The following ERG variants were observed in gnomAD, a reference collection of about 807,000 sequenced individuals.
ERG encodes the protein transcriptional regulator ERG.
In ERG, 9 loss-of-function variants were observed where a neutral mutation model predicts 55.3. That is an observed-to-expected ratio of 0.16 (90% CI 0.10 to 0.28). The LOEUF (loss-of-function observed/expected upper bound fraction) is 0.28, where lower values mean the gene tolerates loss of function less well. ERG is among the 10% of genes least tolerant of loss of function. ERG has a pLI of 1.00. For synonymous variants in ERG, 223 were observed against 237.3 expected, an observed-to-expected ratio of 0.94 and a Z score of 0.55; for missense variants, 434 against 631.6, an observed-to-expected ratio of 0.69 and a Z score of 3.35.
chr21:38,371,770 G>C, the ERG span, among the ~76,000 whole-genome samples: 1 of 151,802 alleles, frequency 6.6e-6, no homozygotes, highest in African/African-American at 2.4e-5. Context: ...ATGAATATTT[G>C]GTTAAAATTT....
intron 1 of ERG, among the ~76,000 whole-genome samples, chr21:38,457,984 T>G (rs2059005888): frequency 6.6e-6 from 1 of 152,236 alleles, no homozygotes; most frequent in African/African-American, 2.4e-5. Context: ...CACAGACTCA[T>G]TTTAGATTGA....
the ERG span, among the ~76,000 whole-genome samples, chr21:38,368,663 A>G: frequency 6.6e-6 from 1 of 152,110 alleles, no homozygotes; most frequent in South Asian, 2.1e-4. Flanking sequence ...GGTTTATTAC[A>G]TAGATAAACT....
chr21:38,432,173 C>T (rs921907680), intron 2 of ERG, among the ~76,000 whole-genome samples: 10 of 152,260 alleles, frequency 6.6e-5, no homozygotes, highest in Admixed American at 3.3e-4. Context: ...TAGCTCACTG[C>T]AGTCTCAAAC....
intron 2 of ERG, among the ~76,000 whole-genome samples, chr21:38,526,838 G>A (rs570847049): frequency 6.6e-6 from 1 of 152,014 alleles, no homozygotes; most frequent in Non-Finnish European, 1.5e-5. Context: ...TAGAACATAC[G>A]AAAGTACAAA....
chr21:38,493,253 G>C (rs975848016), intron 1 of ERG, among the ~76,000 whole-genome samples: 2 of 152,102 alleles, frequency 1.3e-5, no homozygotes, highest in African/African-American at 2.4e-5. Context: ...TATACACTAG[G>C]ATATTGGTTA....
intron 2 of ERG, among the ~76,000 whole-genome samples, chr21:38,564,406 T>C (rs543037181): frequency 5.3e-5 from 8 of 152,092 alleles, no homozygotes; most frequent in African/African-American, 1.9e-4. Context: ...AAAAGGAACA[T>C]CATAAAAATT....
In ERG at chr21:38,380,914, G is replaced by C; in HGVS notation, c.*2489C>G. 9.4e-7 allele frequency: 1 copy of C among 1,065,370 alleles called. No individual in the cohort carries two copies. Among genetic ancestry groups the C allele is most frequent in the Non-Finnish European group, 1.1e-6 (1 of 879,310 alleles). The allele number at this position is 1,065,370 out of a possible 1,614,324, so 66.0% of individuals were successfully genotyped here. A position where few individuals can be genotyped will look rare whatever the true frequency, so the allele number is the denominator to read the frequency against. On this transcript the variant is annotated 3_prime_UTR_variant, in exon 10 of 10. Coordinates refer to ENST00000288319, the MANE Select transcript of ERG (RefSeq NM_182918.4). ...TCTATGAAGAATGTAGGTGTGTCTT[G>C]ACTTTGCATTCCAAAATAAAAATGA... is the stretch of plus-strand genomic sequence containing the variant.
intron 2 of ERG, among the ~76,000 whole-genome samples, chr21:38,559,830 G>A (rs777715505): frequency 3.9e-5 from 6 of 152,174 alleles, no homozygotes; most frequent in Admixed American, 1.3e-4. Context: ...ACAGGCATGC[G>A]CCACCACGCC....
At chr21:38,446,007 T>TA (rs1276936633) in intron 1 of ERG, among the ~76,000 whole-genome samples, 4 of 151,274 alleles carry the variant, frequency 2.6e-5, no homozygotes, top group East Asian at 1.9e-4. Context: ...TCATGAGGAT[T>TA]AAAAAAAAGA....
intron 2 of ERG, among the ~76,000 whole-genome samples, chr21:38,432,700 G>A (rs987513714): frequency 6.6e-6 from 1 of 152,222 alleles, no homozygotes; most frequent in Non-Finnish European, 1.5e-5. Context: ...ATACTCGAAA[G>A]CAGGAGCCTT....
At chr21:38,466,742 T>A (rs897362444) in intron 1 of ERG, among the ~76,000 whole-genome samples, 2 of 152,202 alleles carry the variant, frequency 1.3e-5, no homozygotes, top group African/African-American at 4.8e-5. Context: ...TTGATTCAGT[T>A]GGTTGGAACT....
At chr21:38,415,008 T>C (rs1474948766) in intron 3 of ERG, among the ~76,000 whole-genome samples, 1 of 152,314 alleles carries the variant, frequency 6.6e-6, no homozygotes, top group East Asian at 1.9e-4. Context: ...CTCCTTTGTT[T>C]ACTTAAGTCT....
rs147957024 is a variant in ERG at position 38,580,175 on chromosome 21, G to A, written c.-126-4428C>T. Among the ~76,000 whole-genome samples the A allele has an allele frequency of 5.6e-3, 847 of 152,174 alleles. 5 individuals carry two copies. The highest frequency in any genetic ancestry group is 7.7e-3 in the Non-Finnish European group (525 of 67,984). On this transcript the variant is annotated intron_variant, in intron 1 of 8. Coordinates refer to the ERG transcript ENST00000398897. The stretch of plus-strand genomic sequence containing the variant: ...TTCACCGTGTCGGCCAGATGGTCTC[G>A]ATCTCCTGACCTCGTGATCCACCCA...
chr21:38,523,585 CT>C (rs966566152), intron 2 of ERG, among the ~76,000 whole-genome samples: 11 of 152,230 alleles, frequency 7.2e-5, no homozygotes, highest in Admixed American at 6.5e-4. Flanking sequence ...GCTCCCACCC[CT>C]GATGAATGTT....
At chr21:38,635,575 A>G (rs1199510196) in intron 1 of ERG, among the ~76,000 whole-genome samples, 2 of 152,238 alleles carry the variant, frequency 1.3e-5, no homozygotes, top group Admixed American at 1.3e-4. Flanking sequence ...AGAAATAAGC[A>G]TAATAATAAT....
the ERG span, among the ~76,000 whole-genome samples, chr21:38,367,361 C>G: frequency 3.7e-4 from 56 of 152,188 alleles, no homozygotes; most frequent in Non-Finnish European, 7.2e-4. Context: ...ACGTGGGTGG[C>G]TGGTGGCTCA....
rs1041864919 is a variant in ERG, at chr21:38,624,151, A to G, written c.-150+37507T>C. ...CCTACTTTCTAGATCATCCCTGGCCATGCTCCACCACCCATCCCATGATCC... is the reference window on the plus strand; with the variant it reads ...CCTACTTTCTAGATCATCCCTGGCCGTGCTCCACCACCCATCCCATGATCC... On this transcript the variant is annotated intron_variant, in intron 1 of 10. Coordinates refer to the ERG transcript ENST00000398910. Among the ~76,000 whole-genome samples the G allele has an allele frequency of 9.1e-4, 138 of 152,248 alleles. 2 individuals are homozygous for G. The highest frequency in any genetic ancestry group is 5.3e-4 in the Non-Finnish European group (36 of 68,016).
At position 38,381,747 on chromosome 21, in the gene ERG, T is replaced by C. The variant is rs565895562; in HGVS notation, c.*1656A>G. ...TTTCTCAATGACAACCCCAGCTTCA[T>C]AGGCCTCTTTCCATTCCAGGCATAA... On this transcript the variant is annotated 3_prime_UTR_variant, in exon 10 of 10. Transcript: ENST00000288319. The C allele has an allele frequency of 1.3e-5, 14 of 1,063,160 alleles. No homozygotes were observed. Among genetic ancestry groups the C allele is most frequent in the Non-Finnish European group, 1.6e-5 (14 of 878,070 alleles). The allele number at this position is 1,063,160 out of a possible 1,614,324, so 65.9% of individuals were successfully genotyped here.
intron 3 of ERG, among the ~76,000 whole-genome samples, chr21:38,419,156 C>G (rs897806450): frequency 6.6e-6 from 1 of 152,060 alleles, no homozygotes; most frequent in Non-Finnish European, 1.5e-5. Context: ...GATACTCGCA[C>G]CAAATACATA....
Sources: allele counts gnomAD v4.1 joint callset (sites outside exome capture counted in the v4.1 genomes callset), GRCh38; gene constraint gnomAD v4.1.1; transcripts MANE v1.5; gene names NCBI Gene and HGNC (gene_info 2026-07-23, HGNC 2026-07-21).